Variants in GPM6A observed in about 807,000 individuals in gnomAD.
The protein encoded by GPM6A is glycoprotein M6A, also known as neuronal membrane glycoprotein M6-a.
A neutral mutation model predicts 32.1 loss-of-function variants in GPM6A; 7 were observed. That is an observed-to-expected ratio of 0.22 (90% CI 0.12 to 0.41). The LOEUF (loss-of-function observed/expected upper bound fraction) is 0.41, where lower values mean the gene tolerates loss of function less well. GPM6A is among the 10% of genes least tolerant of loss of function. The probability of loss-of-function intolerance (pLI) is 1.00; values close to 1 mark genes in which losing one functional copy is unlikely to be tolerated. For synonymous variants in GPM6A, 130 were observed against 123.4 expected (o/e 1.05, Z -0.35); for missense variants, 235 against 347.2 (o/e 0.68, Z 2.57).
intron 1 of GPM6A, among the ~76,000 whole-genome samples, chr4:175,839,850 A>C (rs2111382991): frequency 6.6e-6 from 1 of 152,322 alleles, no homozygotes; most frequent in Admixed American, 6.5e-5. Flanking sequence ...TTATCAAAAG[A>C]ATTTATAGGA....
At chr4:175,950,314 T>G (rs1006765828) in intron 1 of GPM6A, among the ~76,000 whole-genome samples, 1 of 152,212 alleles carries the variant, frequency 6.6e-6, no homozygotes, top group Non-Finnish European at 1.5e-5. Context: ...TCAATTTTTT[T>G]ACATTATTTT....
chr4:175,809,946 T>A (rs1314500194), intron 1 of GPM6A, among the ~76,000 whole-genome samples: 1 of 152,084 alleles, frequency 6.6e-6, no homozygotes, highest in Non-Finnish European at 1.5e-5. Context: ...AAAGACAAGG[T>A]CTAAATTTTA....
At chr4:175,636,269 T>TATATATATATATATATATATATATAC (rs2110860960) in intron 6 of GPM6A, among the ~76,000 whole-genome samples, 1 of 47,944 alleles carries the variant, frequency 2.1e-5, no homozygotes, top group East Asian at 1.1e-3. Context: ...TGTATATATA[T>TATATATATATATATATATATATATAC]ATATATATAT....
intron 3 of GPM6A, among the ~76,000 whole-genome samples, chr4:175,672,833 G>A (rs1743159411): frequency 6.6e-6 from 1 of 152,048 alleles, no homozygotes; most frequent in African/African-American, 2.4e-5. Flanking sequence ...TATTGTTGCT[G>A]TTGACACCAA....
intron 1 of GPM6A, chr4:175,970,905 C>T: frequency 2.2e-6 from 1 of 455,828 alleles, no homozygotes; most frequent in Non-Finnish European, 4.4e-6. Context: ...CCGACAGACC[C>T]TTTTTTTTCC....
chr4:175,962,328 C>T, intron 1 of GPM6A: 1 of 908,922 alleles, frequency 1.1e-6, no homozygotes, highest in Non-Finnish European at 1.8e-6. Flanking sequence ...TGTGGCCACT[C>T]CTGAACATCA....
chr4:175,876,212 A>G (rs953110527), intron 1 of GPM6A, among the ~76,000 whole-genome samples: 3 of 152,130 alleles, frequency 2.0e-5, no homozygotes, highest in Non-Finnish European at 4.4e-5. Context: ...GAAACCTAAG[A>G]GGAGTGTGGT....
At chr4:175,718,547 C>T (rs1226769362) in intron 1 of GPM6A, among the ~76,000 whole-genome samples, 1 of 152,024 alleles carries the variant, frequency 6.6e-6, no homozygotes, top group Non-Finnish European at 1.5e-5. Flanking sequence ...GCCCGGGAGA[C>T]GGCGGTTGCA....
intron 1 of GPM6A, among the ~76,000 whole-genome samples, chr4:175,833,012 G>A (rs931549682): frequency 6.6e-6 from 1 of 152,104 alleles, no homozygotes; most frequent in Admixed American, 6.6e-5. Flanking sequence ...AGCTAGCTTC[G>A]TACCTCAAAG....
At chr4:175,989,803 A>G (rs1741082757) in intron 1 of GPM6A, among the ~76,000 whole-genome samples, 1 of 152,184 alleles carries the variant, frequency 6.6e-6, no homozygotes, top group Non-Finnish European at 1.5e-5. Context: ...GGGAAATAGA[A>G]TCTTAAAGCC....
At chr4:175,867,819 G>A (rs536352773) in intron 1 of GPM6A, among the ~76,000 whole-genome samples, 1 of 152,232 alleles carries the variant, frequency 6.6e-6, no homozygotes, top group South Asian at 2.1e-4. Context: ...ATTGAAGTGG[G>A]GTATTTCCCT....
chr4:175,643,207 A>G (rs528681353), intron 4 of GPM6A, among the ~76,000 whole-genome samples: 22 of 152,260 alleles, frequency 1.4e-4, no homozygotes, highest in African/African-American at 4.1e-4. Context: ...TACCCTTCCT[A>G]CAAACCATTC....
intron 6 of GPM6A, among the ~76,000 whole-genome samples, chr4:175,638,975 T>TC (rs1444369844): frequency 6.6e-6 from 1 of 151,986 alleles, no homozygotes; most frequent in African/African-American, 2.4e-5. Context: ...TCTATTTTGA[T>TC]CCCCCCAATT....
intron 1 of GPM6A, chr4:175,787,202 A>G (rs1246692698): frequency 4.6e-6 from 3 of 653,632 alleles, no homozygotes; most frequent in African/African-American, 3.6e-5. Flanking sequence ...TGGATGTGAC[A>G]TGCCAATTAA....
At chr4:175,966,615 C>G (rs903970348) in intron 1 of GPM6A, among the ~76,000 whole-genome samples, 1 of 151,510 alleles carries the variant, frequency 6.6e-6, no homozygotes, top group African/African-American at 2.4e-5. Context: ...AATGTGAGGA[C>G]AAGCAAGAAG....
At chr4:175,787,539 A>G (rs965077454) in intron 1 of GPM6A, 32 of 1,427,636 alleles carry the variant, frequency 2.2e-5, no homozygotes, top group Admixed American at 2.9e-5. Context: ...ATCAGTATCA[A>G]CATCACCAAT....
chr4:175,976,643 G>A (rs911993658), intron 1 of GPM6A, among the ~76,000 whole-genome samples: 1 of 152,078 alleles, frequency 6.6e-6, no homozygotes, highest in Non-Finnish European at 1.5e-5. Flanking sequence ...TGCCACCAAG[G>A]CTTGACTCTG....
intron 6 of GPM6A, among the ~76,000 whole-genome samples, chr4:175,636,608 C>T (rs1740631461): frequency 6.7e-6 from 1 of 150,120 alleles, no homozygotes; most frequent in African/African-American, 2.4e-5. Context: ...CCAGTCTGGC[C>T]AACATAGTGA....
intron 2 of GPM6A, among the ~76,000 whole-genome samples, chr4:175,678,606 G>T (rs961061317): frequency 2.0e-5 from 3 of 152,136 alleles, no homozygotes; most frequent in Admixed American, 2.0e-4. Flanking sequence ...TTGTTTAGTG[G>T]CTGACTTTCA....
Sources: allele counts gnomAD v4.1 joint callset (sites outside exome capture counted in the v4.1 genomes callset), GRCh38; gene constraint gnomAD v4.1.1; transcripts MANE v1.5; gene names NCBI Gene and HGNC (gene_info 2026-07-23, HGNC 2026-07-21).